Variants in SLC25A21 observed in about 807,000 individuals in gnomAD.
SLC25A21 encodes the protein solute carrier family 25 member 21.
In SLC25A21, 47 loss-of-function variants were observed where a neutral mutation model predicts 43.8. The ratio of observed to expected loss-of-function variants is 1.07; its 90% CI spans 0.85 to 1.37. The LOEUF (loss-of-function observed/expected upper bound fraction) is 1.37. SLC25A21 is among the 40% of genes most tolerant of loss of function. SLC25A21 has a pLI of 0.00. For synonymous variants in SLC25A21, 131 were observed against 121.3 expected (o/e 1.08, Z -0.52); for missense variants, 352 against 350.2 (o/e 1.00, Z -0.04).
At chr14:36,733,753 T>A (rs1884923304) in intron 4 of SLC25A21, among the ~76,000 whole-genome samples, 1 of 152,154 alleles carries the variant, frequency 6.6e-6, no homozygotes, top group African/African-American at 2.4e-5. Flanking sequence ...TTTGGTGATG[T>A]CAGTGGTGCG....
At chr14:36,821,387 G>C (rs1004431453) in intron 2 of SLC25A21, among the ~76,000 whole-genome samples, 8 of 151,830 alleles carry the variant, frequency 5.3e-5, no homozygotes, top group Non-Finnish European at 8.8e-5. Context: ...GGTGGGGTGG[G>C]GGATGCCTTC....
chr14:36,935,307 T>C (rs760886262), intron 1 of SLC25A21, among the ~76,000 whole-genome samples: 3 of 152,152 alleles, frequency 2.0e-5, no homozygotes, highest in Non-Finnish European at 4.4e-5. Flanking sequence ...TATCCTGGAA[T>C]GGAACAAGCT....
At chr14:36,695,006 T>C (rs140379222) in intron 7 of SLC25A21, among the ~76,000 whole-genome samples, 4,588 of 152,348 alleles carry the variant, frequency 0.03, 229 homozygotes, top group African/African-American at 0.1. Context: ...TGAATGGTAC[T>C]GCCTAGGTTT....
intron 1 of SLC25A21, among the ~76,000 whole-genome samples, chr14:36,987,095 T>G (rs946107200): frequency 3.3e-5 from 5 of 152,102 alleles, no homozygotes; most frequent in Non-Finnish European, 5.9e-5. Flanking sequence ...TATCAGAAGG[T>G]AGGAATTATT....
At chr14:36,913,122 T>C (rs1891736967) in intron 1 of SLC25A21, among the ~76,000 whole-genome samples, 1 of 152,198 alleles carries the variant, frequency 6.6e-6, no homozygotes, top group Admixed American at 6.5e-5. Flanking sequence ...TCAAAGGTGT[T>C]TAACTTATAC....
chr14:37,054,751 A>G (rs1167365608), intron 1 of SLC25A21, among the ~76,000 whole-genome samples: 1 of 152,242 alleles, frequency 6.6e-6, no homozygotes, highest in African/African-American at 2.4e-5. Context: ...AACAGAATTT[A>G]GAGGAAATAA....
chr14:36,927,957 G>A (rs1396218439), intron 1 of SLC25A21, among the ~76,000 whole-genome samples: 1 of 152,114 alleles, frequency 6.6e-6, no homozygotes, highest in Admixed American at 6.6e-5. Context: ...GCCCTCATTA[G>A]GAATTCCTGG....
rs1882158468 is a variant in SLC25A21, at chr14:36,680,211, C to A, written c.*447G>T. The A allele has an allele frequency of 4.6e-6, 4 of 873,794 alleles. No individual in the cohort carries two copies. Among genetic ancestry groups the A allele is most frequent in the Non-Finnish European group, 5.5e-6 (4 of 728,902 alleles). The allele number at this position is 873,794 out of a possible 1,614,324, so 54.1% of individuals were successfully genotyped here. On this transcript the variant is annotated 3_prime_UTR_variant, in exon 10 of 10. Transcript: ENST00000331299. ...GGAATAATTTAATTCATTATAAAAA[C>A]TGCTTAAATTTTGGCTTAACTTTTT...
At chr14:36,931,434 TG>T (rs1374982478) in intron 1 of SLC25A21, among the ~76,000 whole-genome samples, 1 of 151,994 alleles carries the variant, frequency 6.6e-6, no homozygotes, top group African/African-American at 2.4e-5. Flanking sequence ...GAGAGAGAAA[TG>T]GAGAGCATTT....
rs1962560836 is a variant in SLC25A21, at chr14:37,090,301, AAC to A, written c.70+81978_70+81979del. The stretch of plus-strand genomic sequence containing the variant: ...TTCAGTCAGCATACTTGCTGCTGGC[AAC>A]ACAGCGCCAAGCTTGAGCAAAGCAA... On this transcript the variant is annotated intron_variant, in intron 1 of 9. Coordinates refer to ENST00000331299, the MANE Select transcript of SLC25A21 (RefSeq NM_030631.4). 2.0e-5 allele frequency among the ~76,000 whole-genome samples: 3 copies of A among 152,230 alleles called. No homozygotes were observed. In the South Asian group the frequency reaches 6.2e-4, roughly 32 times the overall value.
intron 1 of SLC25A21, among the ~76,000 whole-genome samples, chr14:37,157,384 T>C (rs1247567875): frequency 3.3e-5 from 5 of 151,926 alleles, no homozygotes; most frequent in African/African-American, 1.2e-4. Context: ...AAAAATCATA[T>C]CAAGTATCTT....
intron 1 of SLC25A21, among the ~76,000 whole-genome samples, chr14:36,877,157 G>C (rs181696310): frequency 2.0e-5 from 3 of 152,130 alleles, no homozygotes; most frequent in East Asian, 3.9e-4. Context: ...ACCAAAGCAA[G>C]TACACAAAGC....
chr14:36,687,441 G>A (rs1882605237), intron 7 of SLC25A21, among the ~76,000 whole-genome samples: 1 of 152,166 alleles, frequency 6.6e-6, no homozygotes, highest in South Asian at 2.1e-4. Flanking sequence ...GGCTCCTGAG[G>A]CTGCCAGATA....
intron 2 of SLC25A21, among the ~76,000 whole-genome samples, chr14:36,848,389 C>A (rs1189897897): frequency 6.6e-6 from 1 of 152,210 alleles, no homozygotes; most frequent in Non-Finnish European, 1.5e-5. Flanking sequence ...AACCTTTCAA[C>A]CAAATGGATC....
intron 1 of SLC25A21, among the ~76,000 whole-genome samples, chr14:36,980,352 G>A (rs1211542815): frequency 6.6e-6 from 1 of 152,140 alleles, no homozygotes; most frequent in Non-Finnish European, 1.5e-5. Flanking sequence ...TTCCAACTTG[G>A]TTCCATTCTC....
chr14:36,876,498 G>C (rs899236330), intron 1 of SLC25A21, among the ~76,000 whole-genome samples: 2 of 152,120 alleles, frequency 1.3e-5, no homozygotes, highest in African/African-American at 4.8e-5. Context: ...GAGGCCACAG[G>C]ATCGCTGGAC....
At chr14:36,993,329 G>A (rs1322174809) in intron 1 of SLC25A21, among the ~76,000 whole-genome samples, 7 of 152,046 alleles carry the variant, frequency 4.6e-5, no homozygotes, top group East Asian at 1.9e-4. Flanking sequence ...ATATTCAGTC[G>A]TTTCAAAGCC....
At chr14:37,103,749 A>C (rs998316451) in intron 1 of SLC25A21, among the ~76,000 whole-genome samples, 1 of 152,148 alleles carries the variant, frequency 6.6e-6, no homozygotes, top group Non-Finnish European at 1.5e-5. Context: ...CCAAGCCTCA[A>C]CTGTGCTTCA....
At chr14:36,765,470 G>A (rs528491418) in intron 3 of SLC25A21, among the ~76,000 whole-genome samples, 19 of 152,288 alleles carry the variant, frequency 1.2e-4, no homozygotes, top group Middle Eastern at 3.4e-3. Context: ...ACACAGCAGA[G>A]GATGACTGGA....
Sources: allele counts gnomAD v4.1 joint callset (sites outside exome capture counted in the v4.1 genomes callset), GRCh38; gene constraint gnomAD v4.1.1; transcripts MANE v1.5; gene names NCBI Gene and HGNC (gene_info 2026-07-23, HGNC 2026-07-21).